Variants in NAV2 observed in about 807,000 individuals in gnomAD.
The protein encoded by NAV2 is helicase, APC down-regulated 1.
In NAV2, 54 loss-of-function variants were observed where a neutral mutation model predicts 223.2. The observed-to-expected ratio is 0.24, with a 90% CI of 0.19 to 0.30. The LOEUF is 0.30. Ranked by LOEUF, NAV2 falls within the 10% of genes least tolerant of loss-of-function variation. The pLI, the probability that NAV2 is intolerant of heterozygous loss-of-function variation, is 1.00. For missense variants in NAV2, 2,806 were observed against 3,147.5 expected (o/e 0.89, Z 2.60); for synonymous variants, 1,279 against 1,239.3 (o/e 1.03, Z -0.67).
At chr11:19,478,948 AT>A (rs1235291203) in intron 1 of NAV2, among the ~76,000 whole-genome samples, 1 of 152,186 alleles carries the variant, frequency 6.6e-6, no homozygotes, top group Non-Finnish European at 1.5e-5. Context: ...ACAGGTGCAC[AT>A]TTTTAGCATA....
At chr11:19,931,068 T>G (rs1442666483) in intron 6 of NAV2, among the ~76,000 whole-genome samples, 1 of 152,206 alleles carries the variant, frequency 6.6e-6, no homozygotes, top group Non-Finnish European at 1.5e-5. Flanking sequence ...TAATTTAGGA[T>G]TATTCTTTAG....
chr11:19,622,664 A>C (rs528715016), intron 1 of NAV2, among the ~76,000 whole-genome samples: 9 of 152,236 alleles, frequency 5.9e-5, no homozygotes, highest in African/African-American at 1.7e-4. Flanking sequence ...GTGTCTCTGC[A>C]CGTGAGATGG....
intron 4 of NAV2, among the ~76,000 whole-genome samples, chr11:19,869,926 C>G (rs1464233928): frequency 6.6e-6 from 1 of 152,184 alleles, no homozygotes; most frequent in Non-Finnish European, 1.5e-5. Flanking sequence ...TGCCTTTGCT[C>G]TGCTACACGG....
intron 22 of NAV2, among the ~76,000 whole-genome samples, chr11:20,072,592 A>G (rs1040818006): frequency 6.6e-6 from 1 of 152,050 alleles, no homozygotes; most frequent in Non-Finnish European, 1.5e-5. Context: ...GCATTTGTTT[A>G]TGTCCTCTCT....
At chr11:19,457,195 A>G (rs1851986080) in intron 1 of NAV2, among the ~76,000 whole-genome samples, 1 of 152,218 alleles carries the variant, frequency 6.6e-6, no homozygotes, top group South Asian at 2.1e-4. Flanking sequence ...AAGGAAGAAA[A>G]CAACAGCAGC....
At chr11:20,091,247 G>A (rs993089515) in intron 27 of NAV2, among the ~76,000 whole-genome samples, 1 of 152,138 alleles carries the variant, frequency 6.6e-6, no homozygotes, top group Non-Finnish European at 1.5e-5. Context: ...GACTCCCCTG[G>A]TGCCTGTGGC....
chr11:19,733,142 T>C (rs1820350), intron 1 of NAV2, among the ~76,000 whole-genome samples: 7,700 of 152,266 alleles, frequency 0.051, 597 homozygotes, highest in African/African-American at 0.17. Flanking sequence ...GGCGATCTTT[T>C]GTTTCTAATA....
At chr11:19,696,101 T>A (rs1199585079) in intron 1 of NAV2, among the ~76,000 whole-genome samples, 1 of 151,426 alleles carries the variant, frequency 6.6e-6, no homozygotes, top group Non-Finnish European at 1.5e-5. Context: ...CATAACCTTC[T>A]CCTCCATACA....
chr11:19,706,065 G>C (rs2049653260), intron 1 of NAV2, among the ~76,000 whole-genome samples: 1 of 152,112 alleles, frequency 6.6e-6, no homozygotes, highest in African/African-American at 2.4e-5. Context: ...GGCACTAATA[G>C]ATATTAGTGC....
Position 19,367,233 on chromosome 11 carries a change from A to G in NAV2, c.75+16206A>G, listed in dbSNP as rs571490048. Among the ~76,000 whole-genome samples the G allele has an allele frequency of 1.2e-4, 18 of 152,288 alleles. No individual in the cohort carries two copies. In the East Asian group the frequency reaches 3.3e-3, roughly 28 times the overall value. On this transcript the variant is annotated intron_variant, in intron 1 of 37. Coordinates refer to the NAV2 transcript ENST00000360655. ...GTGCTGACCTATTTGTCCACCTTTA[A>G]GATTCAGATTGGAGTTGCCTCTTCT...
At chr11:19,683,395 T>C (rs1235432262) in intron 1 of NAV2, among the ~76,000 whole-genome samples, 1 of 152,258 alleles carries the variant, frequency 6.6e-6, no homozygotes, top group Non-Finnish European at 1.5e-5. Flanking sequence ...GGTCACCTTC[T>C]TTTTTAGCTG....
intron 1 of NAV2, among the ~76,000 whole-genome samples, chr11:19,522,847 G>A (rs934643489): frequency 6.6e-6 from 1 of 152,214 alleles, no homozygotes; most frequent in South Asian, 2.1e-4. Context: ...GAATCCTGAT[G>A]GCATGGCTGC....
chr11:19,691,663 G>T (rs1202284738), intron 1 of NAV2, among the ~76,000 whole-genome samples: 1 of 152,146 alleles, frequency 6.6e-6, no homozygotes. Flanking sequence ...CGCCTCTCAG[G>T]TTCACACCAT....
chr11:19,883,931 T>C (rs1225556646), intron 5 of NAV2, among the ~76,000 whole-genome samples: 1 of 152,204 alleles, frequency 6.6e-6, no homozygotes, highest in Non-Finnish European at 1.5e-5. Flanking sequence ...AGAACAAGCA[T>C]GTGAAATAGA....
chr11:19,576,292 T>C (rs1358018819), intron 1 of NAV2, among the ~76,000 whole-genome samples: 3 of 152,222 alleles, frequency 2.0e-5, no homozygotes, highest in Non-Finnish European at 2.9e-5. Context: ...CTTCAAACTT[T>C]TGATGGTTCT....
At chr11:19,355,656 G>C (rs1853575458) in intron 1 of NAV2, among the ~76,000 whole-genome samples, 1 of 152,180 alleles carries the variant, frequency 6.6e-6, no homozygotes, top group Admixed American at 6.5e-5. Context: ...TTAAGGTCCA[G>C]GAATTCTTGC....
At chr11:19,620,343 C>G (rs1202961008) in intron 1 of NAV2, among the ~76,000 whole-genome samples, 1 of 152,144 alleles carries the variant, frequency 6.6e-6, no homozygotes, top group Non-Finnish European at 1.5e-5. Context: ...CTATAAATTA[C>G]CTTGGGAAGA....
intron 1 of NAV2, among the ~76,000 whole-genome samples, chr11:19,474,555 A>G (rs1405251824): frequency 6.6e-6 from 1 of 152,246 alleles, no homozygotes; most frequent in Non-Finnish European, 1.5e-5. Context: ...TGGAGAGGAC[A>G]GGAGAGCATG....
At position 19,426,241 on chromosome 11, in the gene NAV2, T is replaced by A. The variant is rs188314035; in HGVS notation, c.75+75214T>A. 1.3e-3 allele frequency among the ~76,000 whole-genome samples: 199 copies of A among 152,206 alleles called. 1 individual carries two copies. The highest frequency in any genetic ancestry group is 4.5e-3 in the African/African-American group (185 of 41,516). On this transcript the variant is annotated intron_variant, in intron 1 of 37. Transcript: ENST00000360655. Reference sequence around the variant, plus strand: ...TTGCCTCACAGCTCTAGATGTAAAGTGTTGTTTCTTCCCCAAAGAAGGGGT... The same window carrying A: ...TTGCCTCACAGCTCTAGATGTAAAGAGTTGTTTCTTCCCCAAAGAAGGGGT...
Sources: gnomAD v4.1 joint callset for allele counts (sites outside exome capture counted in the v4.1 genomes callset) on GRCh38, gnomAD v4.1.1 for gene constraint, MANE v1.5 for transcripts, NCBI Gene and HGNC (gene_info 2026-07-23, HGNC 2026-07-21) for gene names.